DLC1: variants seen among roughly 807,000 people sequenced by gnomAD.
The protein encoded by DLC1 is rho GTPase-activating protein 7.
In DLC1, 54 loss-of-function variants were observed where a neutral mutation model predicts 140.3. That is an observed-to-expected ratio of 0.38 (90% confidence interval 0.31 to 0.48). DLC1 has a LOEUF of 0.48. DLC1 is among the 20% of genes least tolerant of loss of function. The probability of loss-of-function intolerance (pLI) is 0.96; values close to 1 mark genes in which losing one functional copy is unlikely to be tolerated. For missense variants in DLC1, 2,536 were observed against 1,907.0 expected, an observed-to-expected ratio of 1.33 and a Z score of -6.14; for synonymous variants, 986 against 728.1, an observed-to-expected ratio of 1.35 and a Z score of -5.70.
intron 7 of DLC1, among the ~76,000 whole-genome samples, chr8:13,105,658 A>T (rs1156846463): frequency 6.7e-6 from 1 of 150,192 alleles, no homozygotes; most frequent in Non-Finnish European, 1.5e-5. Context: ...GCTCACTGCA[A>T]CCTCCGCCTC....
intron 2 of DLC1, among the ~76,000 whole-genome samples, chr8:13,465,455 C>T (rs144137206): frequency 9.2e-5 from 14 of 152,168 alleles, no homozygotes; most frequent in East Asian, 5.8e-4. Flanking sequence ...TGAAATGGTA[C>T]GTCACTATGA....
In DLC1 at chr8:13,444,463, T is replaced by A. The variant is rs1160440312; in HGVS notation, c.1024-42844A>T. 3.3e-5 allele frequency among the ~76,000 whole-genome samples: 5 copies of A among 152,228 alleles called. No individual in the cohort carries two copies. The East Asian group carries it at 7.7e-4, about 24-fold the overall frequency. On this transcript the variant is annotated intron_variant, in intron 2 of 17. Transcript: ENST00000276297. ...TAACGTTTAATAATAAAAAAAAGAA[T>A]TCCTGGTTTTAAGAAGGTCACATTA...
intron 5 of DLC1, among the ~76,000 whole-genome samples, chr8:13,270,803 G>T (rs1268029163): frequency 6.6e-6 from 1 of 152,082 alleles, no homozygotes; most frequent in African/African-American, 2.4e-5. Flanking sequence ...GAGGTGTCAT[G>T]CTAACAAGGT....
chr8:13,116,116 C>G, intron 5 of DLC1: 2 of 983,092 alleles, frequency 2.0e-6, no homozygotes, highest in Non-Finnish European at 1.2e-6. Context: ...TTCTGACACC[C>G]AGGGGTTGGG....
chr8:13,435,992 G>C (rs1004510348), intron 2 of DLC1, among the ~76,000 whole-genome samples: 25 of 152,164 alleles, frequency 1.6e-4, no homozygotes, highest in African/African-American at 5.6e-4. Context: ...AAGTTCAGAT[G>C]ATTGTTAACA....
At chr8:13,218,305 G>A (rs150208281) in intron 5 of DLC1, among the ~76,000 whole-genome samples, 26 of 152,220 alleles carry the variant, frequency 1.7e-4, no homozygotes, top group African/African-American at 6.3e-4. Context: ...AAGCATAGAT[G>A]AAAATGTCCA....
intron 1 of DLC1, among the ~76,000 whole-genome samples, chr8:13,504,630 G>T (rs1801972381): frequency 6.6e-6 from 1 of 152,092 alleles, no homozygotes; most frequent in Admixed American, 6.5e-5. Flanking sequence ...CGGAGAAAGA[G>T]AAAAAGAGAT....
In DLC1 at chr8:13,100,764, C is replaced by T. The variant is rs556640543; in HGVS notation, c.1573G>A (p.Asp525Asn). 6 of 1,560,220 alleles carry T rather than the reference C, an allele frequency of 3.8e-6. No individual in the cohort carries two copies. The highest frequency in any genetic ancestry group is 1.7e-4 in the Middle Eastern group (1 of 5,744). ...GCACAAGGCTCATCCTCGTCTGAAT[C>T]GTCACTCTGCAAAGACAGAAAGGAG... ...EISPHRKRSD[D>N]SDEDEPCAIS... The change falls in exon 9 of 18, where the codon GAT becomes AAT. Residue 525 changes from aspartate (D) to asparagine (N), a missense_variant. Coordinates refer to ENST00000276297, the MANE Select transcript of DLC1 (RefSeq NM_182643.3).
At chr8:13,388,242 T>C (rs1836607648) in intron 4 of DLC1, among the ~76,000 whole-genome samples, 1 of 152,020 alleles carries the variant, frequency 6.6e-6, no homozygotes, top group Non-Finnish European at 1.5e-5. Flanking sequence ...CATTATAATT[T>C]TTATTTTTAA....
intron 2 of DLC1, among the ~76,000 whole-genome samples, chr8:13,432,972 T>C (rs996593223): frequency 7.0e-6 from 1 of 142,912 alleles, no homozygotes; most frequent in African/African-American, 2.6e-5. Flanking sequence ...TTTTCCTTTT[T>C]CAAACATAGG....
chr8:13,161,116 G>A (rs1824661050), intron 5 of DLC1, among the ~76,000 whole-genome samples: 1 of 152,086 alleles, frequency 6.6e-6, no homozygotes, highest in South Asian at 2.1e-4. Flanking sequence ...GGAGAGGTAG[G>A]CCTACAAAAG....
chr8:13,564,414 C>G (rs1403778102), intron 1 of DLC1, among the ~76,000 whole-genome samples: 3 of 152,166 alleles, frequency 2.0e-5, no homozygotes, highest in African/African-American at 7.2e-5. Context: ...TTTCATCTTG[C>G]TGCATCTACA....
intron 2 of DLC1, among the ~76,000 whole-genome samples, chr8:13,445,057 CAGAG>C (rs1232653755): frequency 6.6e-6 from 1 of 150,664 alleles, no homozygotes; most frequent in African/African-American, 2.4e-5. Context: ...GAGAGGGAAG[CAGAG>C]AGACACAGCA....
At chr8:13,202,045 A>G (rs1315119303) in intron 5 of DLC1, among the ~76,000 whole-genome samples, 1 of 149,454 alleles carries the variant, frequency 6.7e-6, no homozygotes. Flanking sequence ...TCCCTGGTTC[A>G]AGTGATTCTC....
chr8:13,587,876 C>G (rs541213748), intron 1 of DLC1, among the ~76,000 whole-genome samples: 5 of 152,056 alleles, frequency 3.3e-5, no homozygotes, highest in South Asian at 4.1e-4. Flanking sequence ...ATTACTATAA[C>G]TTTCTCACCC....
At chr8:13,215,895 C>G (rs774637589) in intron 5 of DLC1, among the ~76,000 whole-genome samples, 1 of 152,176 alleles carries the variant, frequency 6.6e-6, no homozygotes, top group Non-Finnish European at 1.5e-5. Flanking sequence ...GGCTACAACT[C>G]GTCTCCCCAG....
At chr8:13,433,732 C>T (rs1251621438) in intron 2 of DLC1, among the ~76,000 whole-genome samples, 1 of 152,162 alleles carries the variant, frequency 6.6e-6, no homozygotes, top group African/African-American at 2.4e-5. Flanking sequence ...AATTATATCT[C>T]TCTTTTGGGA....
intron 5 of DLC1, among the ~76,000 whole-genome samples, chr8:13,154,829 C>T (rs1377319756): frequency 6.6e-6 from 1 of 152,094 alleles, no homozygotes; most frequent in Non-Finnish European, 1.5e-5. Flanking sequence ...AATAGAAAAA[C>T]GACTCAATTT....
At chr8:13,120,356 A>AAAAAAATACATATATATATATATAT in intron 5 of DLC1, among the ~76,000 whole-genome samples, 1 of 61,124 alleles carries the variant, frequency 1.6e-5, no homozygotes, top group African/African-American at 4.2e-5. Context: ...AAAAAAAAAA[A>AAAAAAATACATATATATATATATAT]ATATATATAT....
Sources: allele counts gnomAD v4.1 joint callset (sites outside exome capture counted in the v4.1 genomes callset), GRCh38; gene constraint gnomAD v4.1.1; transcripts MANE v1.5; gene names NCBI Gene and HGNC (gene_info 2026-07-23, HGNC 2026-07-21).